TSHZ1: variants seen among roughly 807,000 people sequenced by gnomAD.
The protein encoded by TSHZ1 is teashirt zinc finger homeobox 1.
Under a neutral mutation model 67.1 loss-of-function variants are expected in TSHZ1, and 12 were observed. The observed-to-expected ratio is 0.18, with a 90% CI of 0.11 to 0.29. The LOEUF is 0.29. TSHZ1 is among the 10% of genes least tolerant of loss of function. The pLI, the probability that TSHZ1 is intolerant of heterozygous loss-of-function variation, is 1.00. For missense variants in TSHZ1, 1,305 were observed against 1,413.9 expected (o/e 0.92, Z 1.23); for synonymous variants, 632 against 622.4 (o/e 1.02, Z -0.23).
At chr18:75,212,592 C>T (rs2022713405) in intron 1 of TSHZ1, among the ~76,000 whole-genome samples, 1 of 152,172 alleles carries the variant, frequency 6.6e-6, no homozygotes, top group Non-Finnish European at 1.5e-5. Context: ...GATTGATCGC[C>T]TGTCATCTGG....
intron 1 of TSHZ1, among the ~76,000 whole-genome samples, chr18:75,237,875 T>C (rs888727747): frequency 1.3e-5 from 2 of 152,018 alleles, no homozygotes; most frequent in Non-Finnish European, 2.9e-5. Flanking sequence ...TGCAGTGGCG[T>C]GATCTCGCCT....
intron 1 of TSHZ1, among the ~76,000 whole-genome samples, chr18:75,228,641 A>G (rs909725315): frequency 2.0e-5 from 3 of 152,202 alleles, no homozygotes; most frequent in African/African-American, 4.8e-5. Flanking sequence ...GACCTAATTA[A>G]TATCAGTCTT....
rs1483656164 is a variant in TSHZ1, at chr18:75,281,201, C to A, written c.41-4247C>A. ...ATCTGGGGACGTTGGAAGGCTCTGG[C>A]CACAGCTGGTCATCAGTGCGGGGGG... On this transcript the variant is annotated intron_variant, in intron 1 of 1. Transcript: ENST00000580243. The surrounding 1 kb of genome is among the most constrained non-coding windows in gnomAD (Gnocchi z 5.3). 1.3e-5 allele frequency among the ~76,000 whole-genome samples: 2 copies of A among 152,194 alleles called. No individual in the cohort carries two copies. The highest frequency in any genetic ancestry group is 4.1e-4 in the South Asian group (2 of 4,830).
chr18:75,285,976 G>T lies in TSHZ1; in HGVS notation c.569G>T (p.Ser190Ile). Residue 190 changes from serine (S) to isoleucine (I), a missense_variant, in exon 2 of 2, where the codon AGT becomes ATT. Ser to Ile is a moderately radical substitution (Grantham distance 142). Transcript: ENST00000580243. ...SSSTSHSSTT[S>I]TSSSSGYDWH... ...AGCACCAGCCACAGCAGTACCACCAGTACCAGCAGCAGCTCCGGGTACGAC... is the reference window on the plus strand; with the variant it reads ...AGCACCAGCCACAGCAGTACCACCATTACCAGCAGCAGCTCCGGGTACGAC... 5 of 1,591,110 alleles carry T rather than the reference G, an allele frequency of 3.1e-6. No homozygotes were observed. Among genetic ancestry groups the T allele is most frequent in the Non-Finnish European group, 4.3e-6 (5 of 1,170,294 alleles).
chr18:75,276,969 C>T, intron 1 of TSHZ1, among the ~76,000 whole-genome samples: 1 of 152,196 alleles, frequency 6.6e-6, no homozygotes, highest in East Asian at 1.9e-4. Context: ...TTGTGTCCAC[C>T]ACCTCCTCCG....
At chr18:75,271,000 A>G (rs2023549905) in intron 1 of TSHZ1, among the ~76,000 whole-genome samples, 1 of 152,180 alleles carries the variant, frequency 6.6e-6, no homozygotes, top group South Asian at 2.1e-4. Flanking sequence ...TGGTCTCAGT[A>G]AGAGACTTTC....
intron 1 of TSHZ1, among the ~76,000 whole-genome samples, chr18:75,231,434 CTG>C (rs1163257742): frequency 1.3e-5 from 2 of 152,374 alleles, no homozygotes; most frequent in African/African-American, 2.4e-5. Flanking sequence ...CACCAGAACA[CTG>C]TGAGTCTCAT....
chr18:75,211,900 C>A lies in TSHZ1; in HGVS notation c.24C>A (p.Ala8=). The A allele has an allele frequency of 8.3e-7, 1 of 1,201,304 alleles. No homozygotes were observed. Among genetic ancestry groups the A allele is most frequent in the East Asian group, 3.5e-5 (1 of 28,940 alleles). 74.4% of individuals were successfully genotyped at this position (1,201,304 alleles called of 1,614,324 possible). A position where few individuals can be genotyped will look rare whatever the true frequency, so the allele number is the denominator to read the frequency against. MPRRKQQ[A]PRRSAAYVPE... is the part of the protein sequence containing the mutation. The stretch of plus-strand genomic sequence containing the variant: ...GCATGCCGAGGAGGAAGCAGCAGGC[C>A]CCCCGGCGCTCGGCAGGTAACGGGC... Residue 8 remains alanine, a synonymous_variant, in exon 1 of 2, where the codon GCC becomes GCA. Coordinates refer to ENST00000580243, the MANE Select transcript of TSHZ1 (RefSeq NM_001308210.2).
chr18:75,277,172 G>A (rs544379473), intron 1 of TSHZ1, among the ~76,000 whole-genome samples: 13 of 151,882 alleles, frequency 8.6e-5, no homozygotes, highest in South Asian at 4.2e-4. Flanking sequence ...TCTGACTGTC[G>A]GAGCACCATC....
intron 1 of TSHZ1, among the ~76,000 whole-genome samples, chr18:75,267,759 G>A (rs958804535): frequency 6.6e-6 from 1 of 152,206 alleles, no homozygotes; most frequent in Non-Finnish European, 1.5e-5. Context: ...TGAATGTTTT[G>A]CACAAGTGGA....
intron 1 of TSHZ1, among the ~76,000 whole-genome samples, chr18:75,243,023 G>A (rs138208380): frequency 4.4e-4 from 67 of 152,294 alleles, no homozygotes; most frequent in Non-Finnish European, 6.3e-4. Flanking sequence ...AGAACAGCCC[G>A]GGGGATGGGG....
chr18:75,287,561 T>C lies in TSHZ1; in HGVS notation c.2154T>C (p.Pro718=), dbSNP rs771538849. 3 of 1,614,166 alleles carry C rather than the reference T, an allele frequency of 1.9e-6. No homozygotes were observed. The Admixed American group carries it at 5.0e-5, about 27-fold the overall frequency. The change falls in exon 2 of 2, where the codon CCT becomes CCC. Residue 718 remains proline (P), a synonymous_variant. Coordinates refer to ENST00000580243, the MANE Select transcript of TSHZ1 (RefSeq NM_001308210.2). This position sits in a 1 kb window ranked among gnomAD's most constrained non-coding sequence, Gnocchi z 5.0. The part of the protein sequence containing the change: ...LDVHTPNGTE[P]LKAKVTNGCN... Reference sequence around the variant, plus strand: ...TTCACACCCCAAATGGCACAGAGCCTCTCAAAGCAAAGGTCACCAACGGCT... The same window carrying C: ...TTCACACCCCAAATGGCACAGAGCCCCTCAAAGCAAAGGTCACCAACGGCT...
rs1315654983 is a variant in TSHZ1, at chr18:75,288,448, T to C, written c.3041T>C (p.Val1014Ala). 6.2e-7 allele frequency: 1 copy of C among 1,614,162 alleles called. No individual in the cohort carries two copies. The highest frequency in any genetic ancestry group is 1.7e-5 in the Admixed American group (1 of 60,030). Residue 1014 changes from valine (V) to alanine (A), a missense_variant, in exon 2 of 2, where the codon GTT (valine) becomes GCT (alanine). By Grantham distance (64) the Val-to-Ala change is moderately conservative (BLOSUM62 0). Coordinates refer to ENST00000580243, the MANE Select transcript of TSHZ1 (RefSeq NM_001308210.2). The surrounding 1 kb of genome is among the most constrained non-coding windows in gnomAD (Gnocchi z 4.9). ...PLNQIQEQQN[V>A]SKVLTNKTLG... is the part of the protein sequence containing the mutation. ...AATCAGATTCAAGAACAGCAGAATG[T>C]TTCGAAAGTCCTCACCAACAAAACT...
chr18:75,213,883 G>A (rs2022731990), intron 1 of TSHZ1, among the ~76,000 whole-genome samples: 2 of 152,316 alleles, frequency 1.3e-5, no homozygotes, highest in South Asian at 4.1e-4. Context: ...TGATGGCTAT[G>A]AAGAGTTGAT....
At chr18:75,245,839 C>T (rs189510584) in intron 1 of TSHZ1, among the ~76,000 whole-genome samples, 7 of 152,224 alleles carry the variant, frequency 4.6e-5, no homozygotes, top group South Asian at 2.1e-4. Flanking sequence ...CAAAAGATGC[C>T]AAGTTCTCAA....
At chr18:75,271,568 A>G (rs929436710) in intron 1 of TSHZ1, among the ~76,000 whole-genome samples, 3 of 151,986 alleles carry the variant, frequency 2.0e-5, no homozygotes, top group East Asian at 1.9e-4. Context: ...CCAAAGTGTC[A>G]CCTGTCTAGG....
chr18:75,229,360 C>T (rs1398739481), intron 1 of TSHZ1, among the ~76,000 whole-genome samples: 1 of 152,264 alleles, frequency 6.6e-6, no homozygotes, highest in East Asian at 1.9e-4. Context: ...TCTCTGGGAG[C>T]TTCCGGTCCG....
rs371279015 is a variant in TSHZ1, at chr18:75,286,515, A to G, written c.1108A>G (p.Met370Val). 15 of 1,614,204 alleles carry G rather than the reference A, an allele frequency of 9.3e-6. No individual in the cohort carries two copies. In the East Asian group the frequency reaches 2.5e-4, roughly 26 times the overall value. The part of the protein sequence containing the change: ...APPCSPEPAG[M>V]AAEVALSESA... ...CCCCTGCTCCCCTGAGCCAGCAGGA[A>G]TGGCCGCAGAGGTGGCCCTGAGTGA... Residue 370 changes from methionine (M) to valine (V), a missense_variant, in exon 2 of 2, where the codon ATG (methionine) becomes GTG (valine). Met to Val is a conservative substitution (Grantham distance 21). This residue lies in a region of TSHZ1 where 909 missense variants were observed against 961.8 expected (regional missense o/e 0.95). Coordinates refer to ENST00000580243, the MANE Select transcript of TSHZ1 (RefSeq NM_001308210.2). The surrounding 1 kb of genome is among the most constrained non-coding windows in gnomAD (Gnocchi z 5.1).
chr18:75,267,992 C>T (rs1376459545), intron 1 of TSHZ1, among the ~76,000 whole-genome samples: 1 of 152,202 alleles, frequency 6.6e-6, no homozygotes, highest in Non-Finnish European at 1.5e-5. Context: ...CCCTTCCTGT[C>T]AGTCAAATGC....
Sources: allele counts gnomAD v4.1 joint callset (sites outside exome capture counted in the v4.1 genomes callset), GRCh38; gene constraint gnomAD v4.1.1; regional missense constraint gnomAD v4.1.1; non-coding constraint Gnocchi (gnomAD v3.1); transcripts MANE v1.5; gene names NCBI Gene and HGNC (gene_info 2026-07-23, HGNC 2026-07-21).